Variants in PIP5K1C observed in about 807,000 individuals in gnomAD.
PIP5K1C encodes the protein phosphatidylinositol-4-phosphate 5-kinase type 1 gamma.
Under a neutral mutation model 80.1 loss-of-function variants are expected in PIP5K1C, and 45 were observed. That is an observed-to-expected ratio of 0.56 (90% CI 0.44 to 0.72). The LOEUF is 0.72. PIP5K1C is among the 30% of genes least tolerant of loss of function. PIP5K1C has a pLI of 0.00. For missense variants in PIP5K1C, 753 were observed against 954.6 expected (o/e 0.79, Z 2.78); for synonymous variants, 498 against 420.1 (o/e 1.19, Z -2.27).
At chr19:3,683,726 G>C (rs918559527) in intron 1 of PIP5K1C, among the ~76,000 whole-genome samples, 3 of 152,286 alleles carry the variant, frequency 2.0e-5, no homozygotes, top group African/African-American at 7.2e-5. Context: ...AGCCAGGCGG[G>C]GGAAGGGCAG....
chr19:3,691,935 G>A (rs1241517596), intron 1 of PIP5K1C, among the ~76,000 whole-genome samples: 1 of 152,258 alleles, frequency 6.6e-6, no homozygotes, highest in African/African-American at 2.4e-5. Flanking sequence ...CGCGCCCACA[G>A]GCACAGGCCC....
rs1277858331 is a variant in PIP5K1C at position 3,637,947 on chromosome 19, C to A, written c.1920+937G>T. The A allele has an allele frequency of 1.2e-5, 19 of 1,534,666 alleles. No individual in the cohort carries two copies. The highest frequency in any genetic ancestry group is 7.9e-5 in the Admixed American group (4 of 50,938). On this transcript the variant is annotated intron_variant, in intron 16 of 17. Coordinates refer to ENST00000335312, the MANE Select transcript of PIP5K1C (RefSeq NM_012398.3). The surrounding 1 kb of genome is among the most constrained non-coding windows in gnomAD (Gnocchi z 7.0). ...CGTGCGGTGGGTAGGGGCACAGGCA[C>A]GCGGCCCGTCCCTCCCTTCTCCAGG...
At chr19:3,690,949 G>A (rs961306950) in intron 1 of PIP5K1C, among the ~76,000 whole-genome samples, 8 of 152,162 alleles carry the variant, frequency 5.3e-5, no homozygotes, top group South Asian at 2.1e-4. Flanking sequence ...AGCCAGCCTC[G>A]GTGGTGACCC....
At chr19:3,636,273 G>T in intron 16 of PIP5K1C, 1 of 552,612 alleles carries the variant, frequency 1.8e-6, no homozygotes, top group Non-Finnish European at 2.3e-6. Flanking sequence ...GTGGGGGGCA[G>T]TAGCAGCTGG....
intron 1 of PIP5K1C, among the ~76,000 whole-genome samples, chr19:3,686,898 A>C (rs1600084750): frequency 6.6e-6 from 1 of 152,014 alleles, no homozygotes; most frequent in East Asian, 1.9e-4. Context: ...AAGCAAAGAA[A>C]AAAACAGATC....
At chr19:3,652,856 C>A (rs2034500749) in intron 7 of PIP5K1C, among the ~76,000 whole-genome samples, 1 of 152,068 alleles carries the variant, frequency 6.6e-6, no homozygotes, top group African/African-American at 2.4e-5. Context: ...GAAGGCTGGG[C>A]TCTTCTCTGG....
chr19:3,637,942 A>G lies in PIP5K1C; in HGVS notation c.1920+942T>C. ...GACGACGTGCGGTGGGTAGGGGCACAGGCACGCGGCCCGTCCCTCCCTTCT... is the reference window on the plus strand; with the variant it reads ...GACGACGTGCGGTGGGTAGGGGCACGGGCACGCGGCCCGTCCCTCCCTTCT... On this transcript the variant is annotated intron_variant, in intron 16 of 17. Transcript: ENST00000335312. This position sits in a 1 kb window ranked among gnomAD's most constrained non-coding sequence, Gnocchi z 7.0. The G allele has an allele frequency of 6.5e-7, 1 of 1,534,984 alleles. No individual in the cohort carries two copies.
chr19:3,641,177 T>A (rs1413244726), intron 15 of PIP5K1C, among the ~76,000 whole-genome samples: 1 of 151,916 alleles, frequency 6.6e-6, no homozygotes, highest in Non-Finnish European at 1.5e-5. Flanking sequence ...ATTGAGCCAC[T>A]GCTCTCCAGC....
At chr19:3,644,638 G>A (rs901936052) in intron 11 of PIP5K1C, among the ~76,000 whole-genome samples, 1 of 152,220 alleles carries the variant, frequency 6.6e-6, no homozygotes, top group African/African-American at 2.4e-5. Flanking sequence ...GACAGCCTTG[G>A]GGAGCACCAG....
Position 3,662,107 on chromosome 19 carries a change from C to A in PIP5K1C, c.220-106G>T, listed in dbSNP as rs1568335145. 5 of 1,360,164 alleles carry A rather than the reference C, an allele frequency of 3.7e-6. No homozygotes were observed. In the East Asian group the frequency reaches 1.3e-4, roughly 34 times the overall value. The allele number at this position is 1,360,164 out of a possible 1,614,324, so 84.3% of individuals were successfully genotyped here. ...ATCGTGACCAGCTGCAGCTTGGGAC[C>A]CGGCACCTGCCAACCCCCTCCTGGT... On this transcript the variant is annotated intron_variant, in intron 3 of 17. Transcript: ENST00000335312.
chr19:3,692,091 G>A lies in PIP5K1C; in HGVS notation c.94+8206C>T, dbSNP rs1329370694. 6.6e-6 allele frequency among the ~76,000 whole-genome samples: 1 copy of A among 152,178 alleles called. No homozygotes were observed. Among genetic ancestry groups the A allele is most frequent in the Non-Finnish European group, 1.5e-5 (1 of 68,006 alleles). ...CTCACGTCCCTGTCCCCACTCCCTG[G>A]GCGCCCACCATGGGCAGGGCCGGCT... is the stretch of plus-strand genomic sequence containing the variant. On this transcript the variant is annotated intron_variant, in intron 1 of 17. Transcript: ENST00000335312. The surrounding 1 kb of genome is among the most constrained non-coding windows in gnomAD (Gnocchi z 5.2).
At chr19:3,634,218 A>C (rs918345237) in intron 16 of PIP5K1C, among the ~76,000 whole-genome samples, 2 of 143,728 alleles carry the variant, frequency 1.4e-5, no homozygotes, top group Admixed American at 1.4e-4. Context: ...GAGGGGTCCC[A>C]GGTCTGGGTG....
chr19:3,672,645 G>C (rs182523214), intron 1 of PIP5K1C: 2 of 152,538 alleles, frequency 1.3e-5, no homozygotes, highest in Non-Finnish European at 2.9e-5. Flanking sequence ...GTCTGGACAG[G>C]TGGCCAGAGG....
chr19:3,676,425 C>T (rs1302729113), intron 1 of PIP5K1C, among the ~76,000 whole-genome samples: 1 of 152,268 alleles, frequency 6.6e-6, no homozygotes, highest in Admixed American at 6.5e-5. Flanking sequence ...GTTCGGTCAA[C>T]TCTAGAAATC....
At position 3,662,115 on chromosome 19, in the gene PIP5K1C, T is replaced by G; in HGVS notation, c.220-114A>C. On this transcript the variant is annotated intron_variant, in intron 3 of 17. Transcript: ENST00000335312. ...CAGCTGCAGCTTGGGACCCGGCACCTGCCAACCCCCTCCTGGTGGTCCCCG... is the reference window on the plus strand; with the variant it reads ...CAGCTGCAGCTTGGGACCCGGCACCGGCCAACCCCCTCCTGGTGGTCCCCG... 2.3e-6 allele frequency: 3 copies of G among 1,310,266 alleles called. No homozygotes were observed. In the East Asian group the frequency reaches 7.6e-5, roughly 33 times the overall value. The allele number at this position is 1,310,266 out of a possible 1,614,324, so 81.2% of individuals were successfully genotyped here.
chr19:3,699,945 G>A (rs899655904), intron 1 of PIP5K1C, among the ~76,000 whole-genome samples: 3 of 152,194 alleles, frequency 2.0e-5, no homozygotes, highest in Non-Finnish European at 2.9e-5. Context: ...GACATCAGGA[G>A]GTGGGCACGC....
chr19:3,651,172 G>A (rs1003304146), intron 8 of PIP5K1C, among the ~76,000 whole-genome samples: 2 of 151,122 alleles, frequency 1.3e-5, no homozygotes, highest in African/African-American at 2.4e-5. Context: ...CACGCCTTCA[G>A]CCTCCCAAGT....
intron 2 of PIP5K1C, among the ~76,000 whole-genome samples, chr19:3,666,386 G>A (rs1249652068): frequency 6.6e-6 from 1 of 152,388 alleles, no homozygotes; most frequent in Non-Finnish European, 1.5e-5. Flanking sequence ...AAGCTGCAAA[G>A]GCAGGGCCAA....
intron 8 of PIP5K1C, among the ~76,000 whole-genome samples, chr19:3,650,655 G>C (rs2034404789): frequency 6.6e-6 from 1 of 152,234 alleles, no homozygotes; most frequent in African/African-American, 2.4e-5. Flanking sequence ...GTGAGGGCAG[G>C]GCCTGCCTGG....
Sources: allele counts gnomAD v4.1 joint callset (sites outside exome capture counted in the v4.1 genomes callset), GRCh38; gene constraint gnomAD v4.1.1; non-coding constraint Gnocchi (gnomAD v3.1); transcripts MANE v1.5; gene names NCBI Gene and HGNC (gene_info 2026-07-23, HGNC 2026-07-21).